RYR3: variants seen among roughly 807,000 people sequenced by gnomAD.
The protein encoded by RYR3 is brain ryanodine receptor-calcium release channel.
Under a neutral mutation model 584.3 loss-of-function variants are expected in RYR3, and 207 were observed. The ratio of observed to expected loss-of-function variants is 0.35; its 90% CI spans 0.32 to 0.40. The LOEUF is 0.40. Among genes scored for constraint, RYR3 ranks in the 10% least tolerant of loss-of-function variants. RYR3 has a pLI of 1.00. For missense variants in RYR3, 5,616 were observed against 6,089.2 expected (o/e 0.92, Z 2.59); for synonymous variants, 2,416 against 2,248.5 (o/e 1.07, Z -2.11).
chr15:33,701,174 C>A, intron 42 of RYR3, 94 bp downstream of exon 42: 2 of 740,766 alleles, frequency 2.7e-6, no homozygotes, highest in Non-Finnish European at 4.6e-6. Context: ...GTCTCTGTCA[C>A]TGTATCGTCA....
intron 19 of RYR3, among the ~76,000 whole-genome samples, chr15:33,623,492 G>A (rs1341143229): frequency 1.3e-5 from 2 of 152,080 alleles, no homozygotes; most frequent in Admixed American, 1.3e-4. Context: ...TTTCAATACT[G>A]CAATAATATC....
chr15:33,664,197 G>A (rs938917600), intron 36 of RYR3, among the ~76,000 whole-genome samples: 7 of 152,240 alleles, frequency 4.6e-5, no homozygotes, highest in South Asian at 2.1e-4. Flanking sequence ...CCCCCTTGCC[G>A]GTGGCACGAC....
At position 33,533,246 on chromosome 15, in the gene RYR3, A is replaced by G. The variant is rs548625570; in HGVS notation, c.355-65A>G. On this transcript the variant is annotated intron_variant, in intron 4 of 103. Transcript: ENST00000634891. The stretch of plus-strand genomic sequence containing the variant: ...TGTTGAACTTAACTAGAAGCTAACT[A>G]GTGGTAAGATACCAAGACTCAATGG... 2.0e-4 allele frequency: 219 copies of G among 1,075,854 alleles called. 1 individual carries two copies. In the South Asian group the frequency reaches 2.5e-3, roughly 12 times the overall value. 66.6% of individuals were successfully genotyped at this position (1,075,854 alleles called of 1,614,324 possible).
At chr15:33,334,540 A>G (rs1242537179) in intron 1 of RYR3, among the ~76,000 whole-genome samples, 1 of 152,226 alleles carries the variant, frequency 6.6e-6, no homozygotes, top group Non-Finnish European at 1.5e-5. Context: ...CTCAAGATGG[A>G]TTAAATACTT....
chr15:33,819,653 G>A (rs937836160), intron 76 of RYR3, 103 bp from the exon 77 acceptor site: 2 of 736,154 alleles, frequency 2.7e-6, no homozygotes, highest in Non-Finnish European at 3.7e-6. Context: ...CAGCCTAGGG[G>A]ACAAGAGAAA....
chr15:33,358,181 G>A (rs1249104598), intron 1 of RYR3, among the ~76,000 whole-genome samples: 3 of 152,142 alleles, frequency 2.0e-5, no homozygotes, highest in Non-Finnish European at 4.4e-5. Context: ...TTCCTCCTTG[G>A]TAAAGTGAGG....
intron 60 of RYR3, among the ~76,000 whole-genome samples, chr15:33,762,539 C>A (rs897615316): frequency 2.6e-5 from 4 of 152,046 alleles, no homozygotes; most frequent in Non-Finnish European, 5.9e-5. Context: ...GCATAAAATA[C>A]GTAGGAATAC....
intron 66 of RYR3, among the ~76,000 whole-genome samples, chr15:33,786,720 AG>A (rs1180674744): frequency 1.3e-5 from 2 of 152,212 alleles, no homozygotes; most frequent in African/African-American, 4.8e-5. Context: ...CCTATGATTT[AG>A]GTAGTGGAGT....
chr15:33,722,656 G>T, intron 43 of RYR3, 59 bp from the exon 44 acceptor site: 1 of 1,498,906 alleles, frequency 6.7e-7, no homozygotes, highest in South Asian at 1.1e-5. Context: ...TCATCAACTA[G>T]AAATAAATTC....
At chr15:33,619,481 G>T (rs1050659932) in intron 19 of RYR3, among the ~76,000 whole-genome samples, 5 of 152,138 alleles carry the variant, frequency 3.3e-5, no homozygotes, top group Admixed American at 6.5e-5. Flanking sequence ...AACATGAAGT[G>T]CCAGGTAACA....
intron 65 of RYR3, among the ~76,000 whole-genome samples, chr15:33,782,742 A>G (rs991405311): frequency 6.6e-6 from 1 of 152,200 alleles, no homozygotes; most frequent in African/African-American, 2.4e-5. Flanking sequence ...GGGCATCTCT[A>G]TTAATTGACA....
At chr15:33,614,713 T>C (rs2060364560) in intron 19 of RYR3, among the ~76,000 whole-genome samples, 1 of 152,082 alleles carries the variant, frequency 6.6e-6, no homozygotes, top group Admixed American at 6.5e-5. Flanking sequence ...ATAATAATTT[T>C]ATATTAAGGA....
intron 57 of RYR3, among the ~76,000 whole-genome samples, chr15:33,751,138 TGGGCA>T (rs573459278): frequency 8.1e-4 from 124 of 152,354 alleles, no homozygotes; most frequent in African/African-American, 2.8e-3. Context: ...CTATCATTAA[TGGGCA>T]TTTGGGTTGG....
At chr15:33,620,230 C>T (rs1245551213) in intron 19 of RYR3, among the ~76,000 whole-genome samples, 2 of 152,164 alleles carry the variant, frequency 1.3e-5, no homozygotes, top group African/African-American at 4.8e-5. Flanking sequence ...ACTGTCAGCT[C>T]TATCACCAGG....
At chr15:33,833,055 G>A (rs1385376644) in intron 86 of RYR3, among the ~76,000 whole-genome samples, 6 of 151,346 alleles carry the variant, frequency 4.0e-5, no homozygotes, top group African/African-American at 7.3e-5. Flanking sequence ...ATAGGACCAC[G>A]TAGGCTATGG....
intron 3 of RYR3, among the ~76,000 whole-genome samples, chr15:33,519,978 A>G (rs1381592571): frequency 3.3e-5 from 5 of 152,212 alleles, no homozygotes; most frequent in Non-Finnish European, 5.9e-5. Flanking sequence ...ATCGATCTCC[A>G]ACTAGGAAAA....
chr15:33,819,650 G>T (rs555649802), intron 76 of RYR3, 106 bp from the exon 77 acceptor site: 65 of 706,964 alleles, frequency 9.2e-5, no homozygotes, highest in Non-Finnish European at 1.1e-4. Flanking sequence ...CTCCAGCCTA[G>T]GGGACAAGAG....
intron 1 of RYR3, among the ~76,000 whole-genome samples, chr15:33,392,623 C>T (rs141841897): frequency 6.1e-4 from 93 of 152,274 alleles, no homozygotes; most frequent in African/African-American, 2.1e-3. Flanking sequence ...CATTAACTCT[C>T]TGCCACTTCC....
At chr15:33,527,533 G>A (rs1423670699) in intron 3 of RYR3, among the ~76,000 whole-genome samples, 4 of 149,310 alleles carry the variant, frequency 2.7e-5, no homozygotes, top group African/African-American at 7.4e-5. Flanking sequence ...GCAGTGAGCC[G>A]AGATTGCACC....
Sources: allele counts gnomAD v4.1 joint callset (sites outside exome capture counted in the v4.1 genomes callset), GRCh38; gene constraint gnomAD v4.1.1; transcripts MANE v1.5; gene names NCBI Gene and HGNC (gene_info 2026-07-23, HGNC 2026-07-21).